MPDZ: variants seen among roughly 807,000 people sequenced by gnomAD.
MPDZ encodes the protein multiple PDZ domain protein.
MPDZ carries 234 observed loss-of-function variants against 239.1 expected under a neutral mutation model. The ratio of observed to expected loss-of-function variants is 0.98; its 90% confidence interval spans 0.88 to 1.09. The LOEUF is 1.09. Ranked by LOEUF, MPDZ falls within the 50% of genes least tolerant of loss-of-function variation. MPDZ has a pLI of 0.00. For synonymous variants in MPDZ, 1,048 were observed against 881.3 expected, an observed-to-expected ratio of 1.19 and a Z score of -3.35; for missense variants, 3,175 against 2,510.0, an observed-to-expected ratio of 1.26 and a Z score of -5.66.
chr9:13,171,979 C>T (rs954292501), intron 21 of MPDZ, among the ~76,000 whole-genome samples: 2 of 152,176 alleles, frequency 1.3e-5, no homozygotes, highest in Admixed American at 1.3e-4. Flanking sequence ...ATTTATCACA[C>T]TTTTTGTTAC....
chr9:13,117,890 G>C (rs1052655493), intron 39 of MPDZ, among the ~76,000 whole-genome samples: 5 of 149,132 alleles, frequency 3.4e-5, no homozygotes, highest in African/African-American at 1.2e-4. Flanking sequence ...TATTGCCCAG[G>C]TTGGACTGCA....
In MPDZ at chr9:13,175,832, G is replaced by A. The variant is rs1228989405; in HGVS notation, c.2975C>T (p.Ala992Val). The change falls in exon 21 of 47, where the codon GCT becomes GTT. Residue 992 changes from alanine to valine, a missense_variant. Coordinates refer to ENST00000319217, the MANE Select transcript of MPDZ (RefSeq NM_001378778.1). ...TACATTTTGAAGCATGACACACTCA[G>A]CATTACAGGCCAGGGAGCTCTGTTC... ...LLEQSSLACN[A>V]ECVMLQNVSK... is the part of the protein sequence containing the mutation. 2 of 1,591,764 alleles carry A rather than the reference G, an allele frequency of 1.3e-6. No homozygotes were observed. Among genetic ancestry groups the A allele is most frequent in the African/African-American group, 1.3e-5 (1 of 74,594 alleles).
chr9:13,157,973 C>T, intron 24 of MPDZ, 45 bp downstream of exon 24: 1 of 1,515,544 alleles, frequency 6.6e-7, no homozygotes, highest in South Asian at 1.2e-5. Flanking sequence ...TATCTTTAAA[C>T]ACTATATATC....
rs756248614 is a variant in MPDZ at position 13,106,942 on chromosome 9, T to C, written c.*23A>G. On this transcript the variant is annotated 3_prime_UTR_variant, in exon 47 of 47. Coordinates refer to ENST00000319217, the MANE Select transcript of MPDZ (RefSeq NM_001378778.1). Reference sequence around the variant, plus strand: ...AGTAGGAGGTGAGCTAGGGGTTGGGTTGGTTCAATTCTGGCAGCCAATTCA... The same window carrying C: ...AGTAGGAGGTGAGCTAGGGGTTGGGCTGGTTCAATTCTGGCAGCCAATTCA... The C allele has an allele frequency of 2.8e-5, 45 of 1,612,260 alleles. No homozygotes were observed. The highest frequency in any genetic ancestry group is 4.5e-5 in the East Asian group (2 of 44,854).
chr9:13,208,069 G>C (rs868082389), intron 10 of MPDZ, among the ~76,000 whole-genome samples: 2 of 152,172 alleles, frequency 1.3e-5, no homozygotes, highest in Non-Finnish European at 2.9e-5. Flanking sequence ...TGTTTACTAA[G>C]TTAGAAAAGA....
chr9:13,170,271 C>T (rs771468118), intron 21 of MPDZ, among the ~76,000 whole-genome samples: 1 of 152,036 alleles, frequency 6.6e-6, no homozygotes, highest in Non-Finnish European at 1.5e-5. Flanking sequence ...ATATTTCAAA[C>T]ATTTTAAAAA....
At chr9:13,125,173 G>A (rs759927118) in intron 35 of MPDZ, 43 bp downstream of exon 35, 1 of 1,479,032 alleles carries the variant, frequency 6.8e-7, no homozygotes, top group Non-Finnish European at 9.0e-7. Flanking sequence ...CTGAGTTCAG[G>A]TGTTCCATAT....
At position 13,105,741 on chromosome 9, in the gene MPDZ, T is replaced by A. The variant is rs1218597404; in HGVS notation, c.*1224A>T. ...CACTGAAAATTCTTATTTATTCACT[T>A]TAATTCTGCATTTACACAAAAATGC... On this transcript the variant is annotated 3_prime_UTR_variant, in exon 47 of 47. Transcript: ENST00000319217. 6.6e-6 allele frequency: 1 copy of A among 152,204 alleles called. No individual in the cohort carries two copies. The highest frequency in any genetic ancestry group is 2.4e-5 in the African/African-American group (1 of 41,460). 9.4% of individuals were successfully genotyped at this position (152,204 alleles called of 1,614,324 possible).
intron 23 of MPDZ, among the ~76,000 whole-genome samples, chr9:13,159,364 G>T (rs991226972): frequency 6.6e-6 from 1 of 152,162 alleles, no homozygotes; most frequent in African/African-American, 2.4e-5. Context: ...TCGAATGAGG[G>T]TAGGGCTCCT....
intron 29 of MPDZ, among the ~76,000 whole-genome samples, 164 bp from the exon 30 acceptor site, chr9:13,136,967 T>C (rs914089594): frequency 2.0e-5 from 3 of 152,176 alleles, no homozygotes; most frequent in East Asian, 3.9e-4. Flanking sequence ...CTTTTCATGG[T>C]GAATAAAGAA....
chr9:13,143,388 G>C, intron 27 of MPDZ, 78 bp downstream of exon 27: 2 of 1,117,298 alleles, frequency 1.8e-6, no homozygotes, highest in Non-Finnish European at 2.7e-6. Flanking sequence ...TAGTGAACTG[G>C]GACAAAGACA....
chr9:13,156,548 A>C (rs1949842903), intron 24 of MPDZ, among the ~76,000 whole-genome samples: 1 of 152,166 alleles, frequency 6.6e-6, no homozygotes, highest in Non-Finnish European at 1.5e-5. Flanking sequence ...AGGCCCATTT[A>C]CTATCAGGAG....
At position 13,123,275 on chromosome 9, in the gene MPDZ, C is replaced by T; in HGVS notation, c.4831G>A (p.Ala1611Thr). 6.2e-7 allele frequency: 1 copy of T among 1,611,932 alleles called. No individual in the cohort carries two copies. ...IRNTSRSSTPAIFASDPATCP... is the reference protein window; with the variant it reads ...IRNTSRSSTPTIFASDPATCP... ...GTTGCAGGATCAGAAGCAAAAATTGCTGGTGTTGATGATCTGCTTGTATCT... is the reference window on the plus strand; with the variant it reads ...GTTGCAGGATCAGAAGCAAAAATTGTTGGTGTTGATGATCTGCTTGTATCT... Residue 1611 changes from alanine to threonine, a missense_variant, in exon 36 of 47, where the codon GCA becomes ACA. Physicochemically the swap from Ala to Thr is moderately conservative, Grantham distance 58 (BLOSUM62 0). Coordinates refer to ENST00000319217, the MANE Select transcript of MPDZ (RefSeq NM_001378778.1).
chr9:13,192,348 C>CA, intron 14 of MPDZ, 53 bp from the exon 15 acceptor site: 1 of 1,443,324 alleles, frequency 6.9e-7, no homozygotes, highest in Non-Finnish European at 9.4e-7. Context: ...TATGAACATT[C>CA]TTTTGAACAC....
Position 13,247,649 on chromosome 9 carries a change from G to A in MPDZ, c.169C>T (p.Gln57Ter). 6.2e-7 allele frequency: 1 copy of A among 1,611,372 alleles called. No individual in the cohort carries two copies. The highest frequency in any genetic ancestry group is 8.5e-7 in the Non-Finnish European group (1 of 1,177,970). ...TGATGTCCTACCTGGTCTTTCAGCTGCTGTACAGAAGTCTGAAGGCTCAGA... is the reference window on the plus strand; with the variant it reads ...TGATGTCCTACCTGGTCTTTCAGCTACTGTACAGAAGTCTGAAGGCTCAGA... ...QILSLQTSVQQLKDQVNIATS... is the reference protein window; with the variant it reads ...QILSLQTSVQ The change falls in exon 3 of 47, where the codon CAG becomes TAG. Residue 57 changes from glutamine (Q) to a stop codon, truncating the protein, a stop_gained. Coordinates refer to ENST00000319217, the MANE Select transcript of MPDZ (RefSeq NM_001378778.1). LOFTEE classifies it high-confidence loss of function.
intron 1 of MPDZ, among the ~76,000 whole-genome samples, chr9:13,266,848 G>A (rs757023540): frequency 6.6e-6 from 1 of 152,142 alleles, no homozygotes; most frequent in Non-Finnish European, 1.5e-5. Context: ...AAGAGAAGGA[G>A]GAGGAAGGAA....
intron 1 of MPDZ, among the ~76,000 whole-genome samples, chr9:13,262,420 A>C (rs1970895310): frequency 6.6e-6 from 1 of 152,300 alleles, no homozygotes; most frequent in South Asian, 2.1e-4. Flanking sequence ...ACTGCACTTC[A>C]GTCTGGGCCG....
intron 24 of MPDZ, among the ~76,000 whole-genome samples, chr9:13,153,442 T>C (rs2133179263): frequency 6.6e-6 from 1 of 152,190 alleles, no homozygotes; most frequent in South Asian, 2.1e-4. Flanking sequence ...CCTATTTTTG[T>C]TTGTTTTTGT....
At chr9:13,231,533 G>A (rs1962465554) in intron 3 of MPDZ, among the ~76,000 whole-genome samples, 1 of 151,950 alleles carries the variant, frequency 6.6e-6, no homozygotes, top group Non-Finnish European at 1.5e-5. Context: ...TCCAGCCTGG[G>A]TGACAAAGAG....
Sources: allele counts gnomAD v4.1 joint callset (sites outside exome capture counted in the v4.1 genomes callset), GRCh38; gene constraint gnomAD v4.1.1; transcripts MANE v1.5; gene names NCBI Gene and HGNC (gene_info 2026-07-23, HGNC 2026-07-21).